Variants in UGT1A1 observed in about 807,000 individuals in gnomAD.
UGT1A1 encodes the protein UDP-glucuronosyltransferase 1A1.
Under a neutral mutation model 40.6 loss-of-function variants are expected in UGT1A1, and 33 were observed. That is an observed-to-expected ratio of 0.81 (90% CI 0.62 to 1.09). The LOEUF is 1.09. UGT1A1 is among the 50% of genes least tolerant of loss of function. The probability of loss-of-function intolerance (pLI) is 0.00; values close to 1 mark genes in which losing one functional copy is unlikely to be tolerated. For synonymous variants in UGT1A1, 249 were observed against 265.0 expected (o/e 0.94, Z 0.59); for missense variants, 694 against 671.2 (o/e 1.03, Z -0.38).
chr2:233,771,639 T>G (rs1180975336), intron 4 of UGT1A1: 1 of 152,344 alleles, frequency 6.6e-6, no homozygotes, highest in African/African-American at 2.4e-5. Flanking sequence ...TTTATTTTAC[T>G]GTATGAAAAT....
Position 233,767,734 on chromosome 2 carries a change from ACT to A in UGT1A1, c.997-112_997-111del, listed in dbSNP as rs1191822668. On this transcript the variant is annotated intron_variant, in intron 2 of 4. Coordinates refer to ENST00000305208, the MANE Select transcript of UGT1A1 (RefSeq NM_000463.3). Reference sequence around the variant, plus strand: ...AGCCTTCACAGTTACTGATCCTCCCACTCTGTTAAAGACTGTTCCTTCAGAGG... The same window carrying A: ...AGCCTTCACAGTTACTGATCCTCCCACTGTTAAAGACTGTTCCTTCAGAGG... 4 of 1,567,824 alleles carry A rather than the reference ACT, an allele frequency of 2.6e-6. No homozygotes were observed. The Admixed American group carries it at 7.4e-5, about 29-fold the overall frequency.
chr2:233,769,637 G>A lies in UGT1A1; in HGVS notation c.1304+1198G>A. The A allele has an allele frequency of 6.2e-7, 1 of 1,610,100 alleles. No individual in the cohort carries two copies. Among genetic ancestry groups the A allele is most frequent in the Non-Finnish European group, 8.5e-7 (1 of 1,178,598 alleles). On this transcript the variant is annotated intron_variant, in intron 4 of 4. Transcript: ENST00000305208. This position sits in a 1 kb window ranked among gnomAD's most constrained non-coding sequence, Gnocchi z 4.4. ...GCTTGAGCAAGGGACAACAGGGGAG[G>A]ACTGATGACTGACTTCCCACCTTTG... is the stretch of plus-strand genomic sequence containing the variant.
rs1700519300 is a variant in UGT1A1 at position 233,772,417 on chromosome 2, A to G, written c.1460A>G (p.His487Arg). Residue 487 changes from histidine to arginine, a missense_variant, in exon 5 of 5, where the codon CAT (histidine) becomes CGT (arginine). Coordinates refer to ENST00000305208, the MANE Select transcript of UGT1A1 (RefSeq NM_000463.3). ...CACGACCTCACCTGGTACCAGTACCATTCCTTGGACGTGATTGGTTTCCTC... is the reference window on the plus strand; with the variant it reads ...CACGACCTCACCTGGTACCAGTACCGTTCCTTGGACGTGATTGGTTTCCTC... ...AAHDLTWYQYHSLDVIGFLLA... is the reference protein window; with the variant it reads ...AAHDLTWYQYRSLDVIGFLLA... 1.2e-6 allele frequency: 2 copies of G among 1,614,214 alleles called. No individual in the cohort carries two copies. The highest frequency in any genetic ancestry group is 2.7e-5 in the African/African-American group (2 of 75,044).
Position 233,767,538 on chromosome 2 carries a change from C to A in UGT1A1, c.997-311C>A, listed in dbSNP as rs1409490941. 5.3e-5 allele frequency among the ~76,000 whole-genome samples: 8 copies of A among 152,212 alleles called. No homozygotes were observed. The East Asian group carries it at 1.5e-3, about 29-fold the overall frequency. On this transcript the variant is annotated intron_variant, in intron 2 of 4. Transcript: ENST00000305208. ...ACTGAATTTATGTCTTACATTTCTGCTCTTATAGTTCTGCATCCACTTGTT... is the reference window on the plus strand; with the variant it reads ...ACTGAATTTATGTCTTACATTTCTGATCTTATAGTTCTGCATCCACTTGTT...
intron 4 of UGT1A1, 74 bp from the exon 5 acceptor site, chr2:233,772,188 C>A (rs1559419594): frequency 1.1e-5 from 17 of 1,595,306 alleles, no homozygotes; most frequent in Middle Eastern, 2.0e-4. Context: ...TCTTCTTAAG[C>A]AGCCATGAGC....
rs2125985791 is a variant in UGT1A1 at position 233,760,549 on chromosome 2, G to A, written c.262G>A (p.Val88Met). ...TYPVPFQRED[V>M]KESFVSLGHN... Reference sequence around the variant, plus strand: ...CCCTGTGCCATTCCAAAGGGAGGATGTGAAAGAGTCTTTTGTTAGTCTCGG... The same window carrying A: ...CCCTGTGCCATTCCAAAGGGAGGATATGAAAGAGTCTTTTGTTAGTCTCGG... The change falls in exon 1 of 5, where the codon GTG (valine) becomes ATG (methionine). Residue 88 changes from valine (V) to methionine (M), a missense_variant. By Grantham distance (21) the Val-to-Met change is conservative. Transcript: ENST00000305208. 1 of 1,614,268 alleles carries A rather than the reference G, an allele frequency of 6.2e-7. No individual in the cohort carries two copies. The highest frequency in any genetic ancestry group is 8.5e-7 in the Non-Finnish European group (1 of 1,180,058).
intron 2 of UGT1A1, among the ~76,000 whole-genome samples, 197 bp downstream of exon 2, chr2:233,767,362 A>G (rs916672959): frequency 6.6e-6 from 1 of 152,144 alleles, no homozygotes; most frequent in Non-Finnish European, 1.5e-5. Context: ...CAAATACTCT[A>G]TTAAACTATG....
Position 233,769,464 on chromosome 2 carries a change from CGTGTGTGT to C in UGT1A1, c.1304+1033_1304+1040del. 6.7e-7 allele frequency: 1 copy of C among 1,503,278 alleles called. No homozygotes were observed. The highest frequency in any genetic ancestry group is 9.1e-7 in the Non-Finnish European group (1 of 1,095,312). The allele number at this position is 1,503,278 out of a possible 1,614,324, so 93.1% of individuals were successfully genotyped here. A position where few individuals can be genotyped will look rare whatever the true frequency, so the allele number is the denominator to read the frequency against. Reference sequence around the variant, plus strand: ...GGGTGCACACGTGTGCATTCATATGCGTGTGTGTGTGTGTGCGTGTGTTTATGAGAGTG... The same window carrying C: ...GGGTGCACACGTGTGCATTCATATGCGTGTGTGCGTGTGTTTATGAGAGTG... On this transcript the variant is annotated intron_variant, in intron 4 of 4. Transcript: ENST00000305208. The surrounding 1 kb of genome is among the most constrained non-coding windows in gnomAD (Gnocchi z 4.4).
At chr2:233,761,247 T>C (rs1300927004) in intron 1 of UGT1A1, 96 bp downstream of exon 1, 16 of 1,609,136 alleles carry the variant, frequency 9.9e-6, no homozygotes, top group African/African-American at 1.3e-5. Flanking sequence ...GAGCAAGCAT[T>C]CTGAGATAAT....
rs1575772039 is a variant in UGT1A1 at position 233,760,416 on chromosome 2, G to A, written c.129G>A (p.Met43Ile). 1 of 1,614,218 alleles carries A rather than the reference G, an allele frequency of 6.2e-7. No individual in the cohort carries two copies. Among genetic ancestry groups the A allele is most frequent in the East Asian group, 2.2e-5 (1 of 44,884 alleles). Reference protein sequence around the residue: ...IPVDGSHWLSMLGAIQQLQQR... With the variant: ...IPVDGSHWLSILGAIQQLQQR... ...TGGATGGCAGCCACTGGCTGAGCAT[G>A]CTTGGGGCCATCCAGCAGCTGCAGC... Residue 43 changes from methionine to isoleucine, a missense_variant, in exon 1 of 5, where the codon ATG becomes ATA. Physicochemically the swap from Met to Ile is conservative, Grantham distance 10 (BLOSUM62 1). Coordinates refer to ENST00000305208, the MANE Select transcript of UGT1A1 (RefSeq NM_000463.3).
rs552027394 is a variant in UGT1A1, at chr2:233,768,534, G to A, written c.1304+95G>A. On this transcript the variant is annotated intron_variant, in intron 4 of 4. Transcript: ENST00000305208. ...CATTTACGTAGCATTTAATAGCGTT[G>A]TTTCAAATATAAAAACAAATACATA... 263 of 1,375,928 alleles carry A rather than the reference G, an allele frequency of 1.9e-4. 3 individuals carry two copies. In the South Asian group the frequency reaches 4.1e-3, roughly 21 times the overall value. The allele number at this position is 1,375,928 out of a possible 1,614,324, so 85.2% of individuals were successfully genotyped here.
At chr2:233,771,672 A>G (rs1345371063) in intron 4 of UGT1A1, 4 of 152,446 alleles carry the variant, frequency 2.6e-5, no homozygotes, top group Non-Finnish European at 4.4e-5. Flanking sequence ...CTCACAAAAT[A>G]TCACTAAAAA....
At chr2:233,767,976 C>G in intron 3 of UGT1A1, 40 bp downstream of exon 3, 1 of 1,614,042 alleles carries the variant, frequency 6.2e-7, no homozygotes. Context: ...AAACCAGGGT[C>G]AAATTAAGAA....
rs548796271 is a variant in UGT1A1, at chr2:233,768,515, C to A, written c.1304+76C>A. 220 of 1,546,098 alleles carry A rather than the reference C, an allele frequency of 1.4e-4. No individual in the cohort carries two copies. In the African/African-American group the frequency reaches 2.5e-3, roughly 18 times the overall value. ...ATTGTTTCAAATATGAAAACATTTA[C>A]GTAGCATTTAATAGCGTTGTTTCAA... On this transcript the variant is annotated intron_variant, in intron 4 of 4. Transcript: ENST00000305208.
intron 1 of UGT1A1, 82 bp downstream of exon 1, chr2:233,761,233 T>C: frequency 6.2e-7 from 1 of 1,613,114 alleles, no homozygotes; most frequent in Non-Finnish European, 8.5e-7. Context: ...CCCAGATATA[T>C]GCTGAGCAAG....
chr2:233,762,209 C>T (rs914722298), intron 1 of UGT1A1, among the ~76,000 whole-genome samples: 1 of 152,104 alleles, frequency 6.6e-6, no homozygotes, highest in Non-Finnish European at 1.5e-5. Flanking sequence ...ATGTATTTGG[C>T]GCCCCATAAA....
chr2:233,772,766 C>A lies in UGT1A1; in HGVS notation c.*207C>A, dbSNP rs910513508. The A allele has an allele frequency of 8.7e-6, 12 of 1,374,468 alleles. No homozygotes were observed. Among genetic ancestry groups the A allele is most frequent in the East Asian group, 7.6e-5 (3 of 39,290 alleles). 85.1% of individuals were successfully genotyped at this position (1,374,468 alleles called of 1,614,324 possible). ...AGATATTTGAATATGTATCGTGCCC[C>A]CTCTGGTGTCTTTGATCAGGATGAC... On this transcript the variant is annotated 3_prime_UTR_variant, in exon 5 of 5. Transcript: ENST00000305208.
chr2:233,768,183 A>T (rs753962326), intron 3 of UGT1A1, 37 bp from the exon 4 acceptor site: 2 of 1,614,004 alleles, frequency 1.2e-6, no homozygotes, highest in Admixed American at 3.3e-5. Context: ...AAACTCAGAG[A>T]TGTAACTGCT....
chr2:233,769,069 T>C lies in UGT1A1; in HGVS notation c.1304+630T>C, dbSNP rs1362327235. On this transcript the variant is annotated intron_variant, in intron 4 of 4. Transcript: ENST00000305208. The surrounding 1 kb of genome is among the most constrained non-coding windows in gnomAD (Gnocchi z 4.4). ...CATAAGTTTCCTGCACAGAAAGAAA[T>C]ACTCCATTATAAGAAGCATAGTATC... is the stretch of plus-strand genomic sequence containing the variant. 1.3e-5 allele frequency among the ~76,000 whole-genome samples: 2 copies of C among 152,194 alleles called. No individual in the cohort carries two copies. Among genetic ancestry groups the C allele is most frequent in the Admixed American group, 6.5e-5 (1 of 15,280 alleles).
Sources: gnomAD v4.1 joint callset for allele counts (sites outside exome capture counted in the v4.1 genomes callset) on GRCh38, gnomAD v4.1.1 for gene constraint, Gnocchi (gnomAD v3.1) non-coding constraint, MANE v1.5 for transcripts, NCBI Gene and HGNC (gene_info 2026-07-23, HGNC 2026-07-21) for gene names.